Variants in ERC2 observed in about 807,000 individuals in gnomAD.
The protein encoded by ERC2 is ELKS/RAB6-interacting/CAST family member 2, also known as ERC protein 2.
In ERC2, 42 loss-of-function variants were observed where a neutral mutation model predicts 114.8. The ratio of observed to expected loss-of-function variants is 0.37; its 90% CI spans 0.29 to 0.47. ERC2 has a LOEUF of 0.47. ERC2 is among the 20% of genes least tolerant of loss of function. ERC2 has a pLI of 0.99. For synonymous variants in ERC2, 454 were observed against 425.5 expected (o/e 1.07, Z -0.82); for missense variants, 939 against 1,150.7 (o/e 0.82, Z 2.66).
chr3:55,811,990 C>T (rs1290461927), intron 14 of ERC2, among the ~76,000 whole-genome samples: 1 of 152,196 alleles, frequency 6.6e-6, no homozygotes, highest in East Asian at 1.9e-4. Flanking sequence ...CATGCATCAG[C>T]TGCTCATCCT....
At chr3:55,560,004 T>C (rs2055895209) in intron 17 of ERC2, among the ~76,000 whole-genome samples, 1 of 152,244 alleles carries the variant, frequency 6.6e-6, no homozygotes, top group Non-Finnish European at 1.5e-5. Context: ...GTTATCTTGG[T>C]TGGGCTGCTG....
chr3:55,661,571 T>C (rs963482344), intron 17 of ERC2, among the ~76,000 whole-genome samples: 2 of 152,202 alleles, frequency 1.3e-5, no homozygotes, highest in Non-Finnish European at 2.9e-5. Flanking sequence ...TGTCATGACA[T>C]TGGGTCCGTT....
At chr3:55,521,445 C>A (rs546057197) in intron 17 of ERC2, among the ~76,000 whole-genome samples, 2 of 152,338 alleles carry the variant, frequency 1.3e-5, no homozygotes, top group Admixed American at 6.5e-5. Flanking sequence ...TGCAAAGAAA[C>A]CACCTTGGAG....
At chr3:56,362,182 G>A (rs1225744410) in intron 2 of ERC2, among the ~76,000 whole-genome samples, 1 of 152,146 alleles carries the variant, frequency 6.6e-6, no homozygotes, top group Non-Finnish European at 1.5e-5. Flanking sequence ...AGGAAGGGAG[G>A]GAGGAAGGGA....
intron 17 of ERC2, among the ~76,000 whole-genome samples, chr3:55,578,439 C>T (rs1198684184): frequency 6.6e-6 from 1 of 152,184 alleles, no homozygotes; most frequent in African/African-American, 2.4e-5. Flanking sequence ...TCATTGAAGT[C>T]TTGGCTCACC....
chr3:55,658,349 A>G (rs569081954), intron 17 of ERC2: 3 of 152,194 alleles, frequency 2.0e-5, no homozygotes, highest in African/African-American at 4.8e-5. Context: ...TCTTAACTCA[A>G]AATTTCAGAA....
intron 2 of ERC2, among the ~76,000 whole-genome samples, chr3:56,407,380 T>C (rs750714983): frequency 2.6e-5 from 4 of 152,214 alleles, no homozygotes; most frequent in Non-Finnish European, 5.9e-5. Context: ...TCTGACATTC[T>C]TGAGAACATG....
intron 2 of ERC2, among the ~76,000 whole-genome samples, chr3:56,387,591 C>T (rs7615413): frequency 0.071 from 10,796 of 152,250 alleles, 979 homozygotes; most frequent in African/African-American, 0.21. Context: ...ACAACACTGT[C>T]GCCTTTGCTA....
chr3:56,397,362 A>G (rs1034077974), intron 2 of ERC2, among the ~76,000 whole-genome samples: 24 of 149,902 alleles, frequency 1.6e-4, no homozygotes, highest in African/African-American at 5.3e-4. Context: ...AAAAAAAAAA[A>G]AAAGAAGAAG....
At chr3:55,835,128 A>G (rs1322362483) in intron 14 of ERC2, among the ~76,000 whole-genome samples, 2 of 152,138 alleles carry the variant, frequency 1.3e-5, no homozygotes, top group African/African-American at 4.8e-5. Flanking sequence ...AACAAAAAAA[A>G]GAGTCCAGGA....
rs890791570 is a variant in ERC2, at chr3:55,509,402, T to G, written c.*1914A>C. 1 of 152,608 alleles carries G rather than the reference T, an allele frequency of 6.6e-6. No individual in the cohort carries two copies. The highest frequency in any genetic ancestry group is 2.4e-5 in the African/African-American group (1 of 41,448). 9.5% of individuals were successfully genotyped at this position (152,608 alleles called of 1,614,324 possible). A position where few individuals can be genotyped will look rare whatever the true frequency, so the allele number is the denominator to read the frequency against. Reference sequence around the variant, plus strand: ...CTGGGACACATTTGTGGCCTGGGTTTTCAGTGCAACATTGTGTCAAAATGT... The same window carrying G: ...CTGGGACACATTTGTGGCCTGGGTTGTCAGTGCAACATTGTGTCAAAATGT... On this transcript the variant is annotated 3_prime_UTR_variant, in exon 18 of 18. Coordinates refer to ENST00000288221, the MANE Select transcript of ERC2 (RefSeq NM_015576.3).
intron 3 of ERC2, among the ~76,000 whole-genome samples, chr3:56,220,348 T>A (rs2049819561): frequency 1.3e-5 from 2 of 152,182 alleles, no homozygotes; most frequent in South Asian, 4.1e-4. Flanking sequence ...AGAAAAATGG[T>A]TTTGGAAACG....
intron 2 of ERC2, among the ~76,000 whole-genome samples, chr3:56,318,845 C>G (rs1433951775): frequency 6.6e-6 from 1 of 150,956 alleles, no homozygotes; most frequent in African/African-American, 2.4e-5. Context: ...TGCCTATAAT[C>G]CCAGCACTTT....
intron 15 of ERC2, among the ~76,000 whole-genome samples, chr3:55,710,795 A>G (rs943091939): frequency 2.0e-5 from 3 of 152,224 alleles, no homozygotes; most frequent in African/African-American, 7.2e-5. Context: ...CCTACAAATA[A>G]GGACTTGCCA....
In ERC2 at chr3:56,193,734, C is replaced by G. The variant is rs142923783; in HGVS notation, c.1075-20214G>C. Among the ~76,000 whole-genome samples the G allele has an allele frequency of 2.4e-3, 371 of 152,202 alleles. 3 individuals are homozygous for G. The highest frequency in any genetic ancestry group is 8.5e-3 in the African/African-American group (351 of 41,510). ...TACTATTATTATCCCCATTTTGCAA[C>G]AGAGAAACCTGAGGCCCAGAGAGGT... On this transcript the variant is annotated intron_variant, in intron 3 of 17. Coordinates refer to ENST00000288221, the MANE Select transcript of ERC2 (RefSeq NM_015576.3).
rs191870000 is a variant in ERC2, at chr3:56,216,165, G to C, written c.1075-42645C>G. ...GATCAGAGCAGAACTGAAAGTGATA[G>C]AGATACAAAAAACCCTTCAAAAAAT... On this transcript the variant is annotated intron_variant, in intron 3 of 17. Coordinates refer to ENST00000288221, the MANE Select transcript of ERC2 (RefSeq NM_015576.3). Among the ~76,000 whole-genome samples, 8 of 152,320 alleles carry C rather than the reference G, an allele frequency of 5.3e-5. No homozygotes were observed. In the East Asian group the frequency reaches 1.5e-3, roughly 29 times the overall value.
At chr3:55,527,599 T>C (rs997144947) in intron 17 of ERC2, among the ~76,000 whole-genome samples, 9 of 152,136 alleles carry the variant, frequency 5.9e-5, no homozygotes, top group African/African-American at 2.2e-4. Context: ...TTCAGGGCAA[T>C]TAAGTAACTT....
chr3:56,060,650 G>A (rs757427996), intron 7 of ERC2, among the ~76,000 whole-genome samples: 2 of 152,310 alleles, frequency 1.3e-5, no homozygotes, highest in East Asian at 3.9e-4. Context: ...GCTTAATAAA[G>A]TATGTTATCC....
chr3:55,906,740 T>C (rs955095341), intron 13 of ERC2, among the ~76,000 whole-genome samples: 1 of 152,170 alleles, frequency 6.6e-6, no homozygotes, highest in Non-Finnish European at 1.5e-5. Context: ...TGAGCACCAT[T>C]TTGCAGGAGA....
Sources: allele counts gnomAD v4.1 joint callset (sites outside exome capture counted in the v4.1 genomes callset), GRCh38; gene constraint gnomAD v4.1.1; transcripts MANE v1.5; gene names NCBI Gene and HGNC (gene_info 2026-07-23, HGNC 2026-07-21).